The following MAST4 variants were observed in gnomAD, a reference collection of about 807,000 sequenced individuals.
MAST4 encodes microtubule associated serine/threonine kinase family member 4, also known as microtubule-associated serine/threonine-protein kinase 4.
Under a neutral mutation model 162.7 loss-of-function variants are expected in MAST4, and 89 were observed. The observed-to-expected ratio is 0.55, with a 90% CI of 0.46 to 0.65. The LOEUF (loss-of-function observed/expected upper bound fraction) is 0.65. Among genes scored for constraint, MAST4 ranks in the 30% least tolerant of loss-of-function variants. MAST4 has a pLI of 0.00. For missense variants in MAST4, 3,153 were observed against 3,374.0 expected (o/e 0.93, Z 1.62); for synonymous variants, 1,479 against 1,361.1 (o/e 1.09, Z -1.91).
At chr5:66,858,170 T>G (rs952448549) in intron 3 of MAST4, among the ~76,000 whole-genome samples, 1 of 152,242 alleles carries the variant, frequency 6.6e-6, no homozygotes, top group African/African-American at 2.4e-5. Context: ...TTTTGTACTC[T>G]TAGTAGAGAC....
chr5:67,075,402 C>G (rs1761517881), intron 5 of MAST4, among the ~76,000 whole-genome samples: 1 of 151,988 alleles, frequency 6.6e-6, no homozygotes, highest in East Asian at 1.9e-4. Flanking sequence ...CTTGAACCTC[C>G]TGGGCTCAAG....
chr5:67,078,231 A>G (rs1761913459), intron 5 of MAST4, among the ~76,000 whole-genome samples: 1 of 152,154 alleles, frequency 6.6e-6, no homozygotes, highest in African/African-American at 2.4e-5. Flanking sequence ...AAATTTGATT[A>G]GATAAAAACT....
intron 4 of MAST4, among the ~76,000 whole-genome samples, chr5:66,934,365 G>A (rs1211648393): frequency 2.0e-5 from 3 of 152,006 alleles, no homozygotes; most frequent in Non-Finnish European, 4.4e-5. Context: ...CTTCATTTGT[G>A]TATTAGACCA....
chr5:66,950,357 C>T (rs1005080033), intron 4 of MAST4, among the ~76,000 whole-genome samples: 2 of 151,886 alleles, frequency 1.3e-5, no homozygotes, highest in African/African-American at 4.8e-5. Context: ...AGTATCACTG[C>T]CATGCATCTC....
chr5:66,613,312 T>TC (rs1307980127), intron 1 of MAST4, among the ~76,000 whole-genome samples: 2 of 144,196 alleles, frequency 1.4e-5, no homozygotes, highest in Admixed American at 7.3e-5. Context: ...TAAGAATTTA[T>TC]CAGATAACCC....
At chr5:66,862,541 C>T (rs757992133) in intron 3 of MAST4, among the ~76,000 whole-genome samples, 1 of 152,136 alleles carries the variant, frequency 6.6e-6, no homozygotes, top group South Asian at 2.1e-4. Context: ...CTCTAACAAA[C>T]GATCATTGAC....
chr5:66,629,595 T>G (rs1022255435), intron 1 of MAST4, among the ~76,000 whole-genome samples: 3 of 152,230 alleles, frequency 2.0e-5, no homozygotes, highest in Non-Finnish European at 4.4e-5. Flanking sequence ...TTATAGCAGC[T>G]GCTGTCTGCC....
chr5:67,055,092 T>C (rs1344897549), intron 5 of MAST4, among the ~76,000 whole-genome samples: 1 of 151,214 alleles, frequency 6.6e-6, no homozygotes, highest in Non-Finnish European at 1.5e-5. Flanking sequence ...TCTGGAAGAG[T>C]TTAAAGGAGC....
chr5:66,847,752 C>T (rs1263973176), intron 3 of MAST4, among the ~76,000 whole-genome samples: 2 of 127,756 alleles, frequency 1.6e-5, no homozygotes, highest in Admixed American at 9.5e-5. Flanking sequence ...ACTAGGGAGG[C>T]GGAAGTTGCA....
intron 28 of MAST4, 148 bp from the exon 29 acceptor site, chr5:67,162,999 T>G: frequency 9.1e-7 from 1 of 1,101,016 alleles, no homozygotes; most frequent in South Asian, 1.5e-5. Flanking sequence ...CTGGAGAGGT[T>G]TATCTGAAAA....
chr5:66,982,024 T>A (rs1748915364), intron 4 of MAST4, among the ~76,000 whole-genome samples: 1 of 152,200 alleles, frequency 6.6e-6, no homozygotes, highest in Non-Finnish European at 1.5e-5. Flanking sequence ...TTTGTGGGAA[T>A]AGGTAGAATA....
intron 4 of MAST4, among the ~76,000 whole-genome samples, chr5:66,921,632 G>A (rs1324337905): frequency 6.6e-6 from 1 of 152,026 alleles, no homozygotes; most frequent in Admixed American, 6.5e-5. Flanking sequence ...GGTGGCGCAC[G>A]CCTGTAATCC....
At chr5:66,927,954 T>C (rs140722573) in intron 4 of MAST4, among the ~76,000 whole-genome samples, 1 of 152,312 alleles carries the variant, frequency 6.6e-6, no homozygotes, top group East Asian at 1.9e-4. Flanking sequence ...AAGCATCATC[T>C]CCATCTCTGC....
chr5:66,694,673 G>C (rs1022816591), intron 1 of MAST4, among the ~76,000 whole-genome samples: 3 of 152,010 alleles, frequency 2.0e-5, no homozygotes, highest in African/African-American at 7.2e-5. Context: ...TTTTAGTAGA[G>C]ATGGGTTTTC....
At chr5:67,096,889 T>C (rs1764524884) in intron 7 of MAST4, among the ~76,000 whole-genome samples, 1 of 152,178 alleles carries the variant, frequency 6.6e-6, no homozygotes, top group South Asian at 2.1e-4. Flanking sequence ...CAGAGGCATA[T>C]CAGCATCAGT....
chr5:66,904,222 A>G (rs1459861375), intron 4 of MAST4, among the ~76,000 whole-genome samples: 5 of 152,182 alleles, frequency 3.3e-5, no homozygotes, highest in African/African-American at 7.2e-5. Context: ...CAAGATGATT[A>G]GGAGCAAAAC....
chr5:66,912,897 C>A (rs1380150021), intron 4 of MAST4, among the ~76,000 whole-genome samples: 2 of 152,120 alleles, frequency 1.3e-5, no homozygotes, highest in Admixed American at 1.3e-4. Context: ...ACCACATCTA[C>A]TATTTAATAT....
chr5:67,144,526 C>A, intron 21 of MAST4, 143 bp from the exon 22 acceptor site: 2 of 788,106 alleles, frequency 2.5e-6, no homozygotes, highest in Non-Finnish European at 4.0e-6. Context: ...TTCTGGTTAA[C>A]AACACTGGAA....
chr5:67,004,165 C>A (rs924727843), intron 4 of MAST4, among the ~76,000 whole-genome samples: 2 of 152,100 alleles, frequency 1.3e-5, no homozygotes, highest in African/African-American at 4.8e-5. Flanking sequence ...GAGCGGCGGC[C>A]CAGGCTGCGG....
Sources: allele counts gnomAD v4.1 joint callset (sites outside exome capture counted in the v4.1 genomes callset), GRCh38; gene constraint gnomAD v4.1.1; transcripts MANE v1.5; gene names NCBI Gene and HGNC (gene_info 2026-07-23, HGNC 2026-07-21).